SLC14A2: variants seen among roughly 807,000 people sequenced by gnomAD.
SLC14A2 encodes solute carrier family 14 member 2, also known as urea transporter 2.
A neutral mutation model predicts 104.6 loss-of-function variants in SLC14A2; 91 were observed. The observed-to-expected ratio is 0.87, with a 90% CI of 0.73 to 1.04. The LOEUF (loss-of-function observed/expected upper bound fraction) is 1.04. Among genes scored for constraint, SLC14A2 ranks in the 50% least tolerant of loss-of-function variants. SLC14A2 has a pLI of 0.00. For synonymous variants in SLC14A2, 476 were observed against 466.4 expected, an observed-to-expected ratio of 1.02 and a Z score of -0.27; for missense variants, 1,189 against 1,156.0, an observed-to-expected ratio of 1.03 and a Z score of -0.41.
chr18:45,274,221 C>A (rs1267062005), intron 1 of SLC14A2, among the ~76,000 whole-genome samples: 1 of 152,066 alleles, frequency 6.6e-6, no homozygotes, highest in South Asian at 2.1e-4. Context: ...GTTCTCTCAC[C>A]CATGTTGACT....
At chr18:45,532,812 C>G (rs569655954) in intron 2 of SLC14A2, among the ~76,000 whole-genome samples, 43 of 152,240 alleles carry the variant, frequency 2.8e-4, no homozygotes, top group Middle Eastern at 3.4e-3. Context: ...TTTGTCCATT[C>G]AGTATGATAT....
chr18:45,423,680 A>T (rs1287813251), intron 1 of SLC14A2: 1 of 152,216 alleles, frequency 6.6e-6, no homozygotes, highest in Non-Finnish European at 1.5e-5. Flanking sequence ...AATCTTTTTA[A>T]AAAAATAATT....
chr18:45,235,810 T>TGTGTATATATATATATATATAC (rs1257961021), intron 1 of SLC14A2, among the ~76,000 whole-genome samples: 1 of 104,202 alleles, frequency 9.6e-6, no homozygotes, highest in Non-Finnish European at 1.9e-5. Flanking sequence ...TGTGTGTGTG[T>TGTGTATATATATATATATATAC]GTGTATATAT....
At chr18:45,468,114 G>A (rs1389690182) in intron 1 of SLC14A2, among the ~76,000 whole-genome samples, 1 of 152,134 alleles carries the variant, frequency 6.6e-6, no homozygotes, top group Non-Finnish European at 1.5e-5. Flanking sequence ...TTCATTTGCT[G>A]AGAAGGCCAG....
In SLC14A2 at chr18:45,439,583, A is replaced by G. The variant is rs1339691231; in HGVS notation, c.-124-43650A>G. 2.0e-5 allele frequency among the ~76,000 whole-genome samples: 3 copies of G among 152,228 alleles called. No homozygotes were observed. In the East Asian group the frequency reaches 5.8e-4, roughly 29 times the overall value. Reference sequence around the variant, plus strand: ...CCTGTTTCTTGCTCTTATGATGCTCACAGTCTAGTGAGGAAGAAATGCCAA... The same window carrying G: ...CCTGTTTCTTGCTCTTATGATGCTCGCAGTCTAGTGAGGAAGAAATGCCAA... On this transcript the variant is annotated intron_variant, in intron 1 of 20. Coordinates refer to the SLC14A2 transcript ENST00000586448.
rs535144554 is a variant in SLC14A2, at chr18:45,449,166, G to C, written c.-124-34067G>C. Reference sequence around the variant, plus strand: ...TGCTTCATCTGCCCTGCAGTATATTGCCTGAGCATCTTTTTTCTTTGAGTC... The same window carrying C: ...TGCTTCATCTGCCCTGCAGTATATTCCCTGAGCATCTTTTTTCTTTGAGTC... On this transcript the variant is annotated intron_variant, in intron 1 of 20. Transcript: ENST00000586448. 1.9e-4 allele frequency among the ~76,000 whole-genome samples: 29 copies of C among 152,314 alleles called. No individual in the cohort carries two copies. In the South Asian group the frequency reaches 3.5e-3, roughly 19 times the overall value.
intron 1 of SLC14A2, among the ~76,000 whole-genome samples, chr18:45,619,750 G>A (rs1267730252): frequency 2.0e-5 from 3 of 152,102 alleles, no homozygotes; most frequent in Admixed American, 6.5e-5. Context: ...AAGTGGCGAC[G>A]CCTTATGGAA....
intron 1 of SLC14A2, among the ~76,000 whole-genome samples, chr18:45,336,539 T>G (rs1454771910): frequency 6.6e-6 from 1 of 152,078 alleles, no homozygotes; most frequent in Non-Finnish European, 1.5e-5. Context: ...CCTAGTAATG[T>G]CTCTCATTTC....
chr18:45,391,712 T>C (rs2909320), intron 1 of SLC14A2, among the ~76,000 whole-genome samples: 35,592 of 152,108 alleles, frequency 0.23, 4,643 homozygotes, highest in Middle Eastern at 0.31. Flanking sequence ...CTTTTGGCTG[T>C]ATAAATGTCT....
At chr18:45,677,063 C>T (rs1325674298) in intron 18 of SLC14A2, among the ~76,000 whole-genome samples, 3 of 152,160 alleles carry the variant, frequency 2.0e-5, no homozygotes, top group Non-Finnish European at 4.4e-5. Context: ...GGCACATCAC[C>T]TGAGACAGAC....
intron 1 of SLC14A2, among the ~76,000 whole-genome samples, chr18:45,342,268 A>T (rs1041405692): frequency 2.0e-5 from 3 of 152,348 alleles, no homozygotes; most frequent in Admixed American, 6.5e-5. Context: ...AGTTTCTGAC[A>T]CTATGAGGTT....
At chr18:45,592,828 T>C (rs2044667730) in intron 2 of SLC14A2, among the ~76,000 whole-genome samples, 1 of 152,238 alleles carries the variant, frequency 6.6e-6, no homozygotes, top group African/African-American at 2.4e-5. Flanking sequence ...GTTATGTACT[T>C]GTAACTTCTG....
chr18:45,384,206 A>G (rs1197234827), intron 1 of SLC14A2, among the ~76,000 whole-genome samples: 1 of 152,148 alleles, frequency 6.6e-6, no homozygotes, highest in Non-Finnish European at 1.5e-5. Context: ...CCACTGCATT[A>G]AAAGGAGGAG....
chr18:45,513,555 GA>G (rs1252543387), intron 2 of SLC14A2, among the ~76,000 whole-genome samples: 1 of 152,196 alleles, frequency 6.6e-6, no homozygotes, highest in Middle Eastern at 3.2e-3. Context: ...ACTGTAATCA[GA>G]AGTTGACTAT....
intron 3 of SLC14A2, 47 bp from the exon 4 acceptor site, chr18:45,626,911 G>A (rs377146904): frequency 2.8e-5 from 42 of 1,524,978 alleles, no homozygotes; most frequent in Non-Finnish European, 3.8e-5. Context: ...GTTCAGCAGA[G>A]CAGCCCAAGC....
At chr18:45,276,756 T>G (rs542302626) in intron 1 of SLC14A2, among the ~76,000 whole-genome samples, 2 of 152,340 alleles carry the variant, frequency 1.3e-5, no homozygotes, top group African/African-American at 4.8e-5. Flanking sequence ...ACATTTTATT[T>G]TATTGGTCTG....
At chr18:45,673,981 G>A (rs1028633452) in intron 18 of SLC14A2, among the ~76,000 whole-genome samples, 164 bp downstream of exon 18, 1 of 152,178 alleles carries the variant, frequency 6.6e-6, no homozygotes, top group East Asian at 1.9e-4. Flanking sequence ...AGGTTTGATT[G>A]TTGTTCCTGG....
chr18:45,566,906 G>A (rs899155475), intron 2 of SLC14A2, among the ~76,000 whole-genome samples: 7 of 152,174 alleles, frequency 4.6e-5, no homozygotes, highest in Non-Finnish European at 7.3e-5. Flanking sequence ...GCTTGTATGT[G>A]TTTAATGTAT....
rs78916234 is a variant in SLC14A2 at position 45,231,775 on chromosome 18, G to T, written c.-125+18584G>T. ...TCAGTTATGCTATGCTATGGGGTGCGTATGAGGAATTTGGTAGTTCATTCA... is the reference window on the plus strand; with the variant it reads ...TCAGTTATGCTATGCTATGGGGTGCTTATGAGGAATTTGGTAGTTCATTCA... On this transcript the variant is annotated intron_variant, in intron 1 of 20. Coordinates refer to the SLC14A2 transcript ENST00000586448. 1.6e-4 allele frequency among the ~76,000 whole-genome samples: 25 copies of T among 152,300 alleles called. 1 individual carries two copies. The highest frequency in any genetic ancestry group is 1.9e-4 in the African/African-American group (8 of 41,572).
Sources: allele counts gnomAD v4.1 joint callset (sites outside exome capture counted in the v4.1 genomes callset), GRCh38; gene constraint gnomAD v4.1.1; transcripts MANE v1.5; gene names NCBI Gene and HGNC (gene_info 2026-07-23, HGNC 2026-07-21).